LTBP2: variants seen among roughly 807,000 people sequenced by gnomAD.
The protein encoded by LTBP2 is latent-transforming growth factor beta-binding protein 2.
In LTBP2, 103 loss-of-function variants were observed where a neutral mutation model predicts 210.6. The ratio of observed to expected loss-of-function variants is 0.49; its 90% CI spans 0.42 to 0.58. The LOEUF is 0.58. LTBP2 is among the 20% of genes least tolerant of loss of function. The probability of loss-of-function intolerance (pLI) is 0.00; values close to 1 mark genes in which losing one functional copy is unlikely to be tolerated. For synonymous variants in LTBP2, 1,007 were observed against 1,015.0 expected (o/e 0.99, Z 0.15); for missense variants, 2,313 against 2,494.5 (o/e 0.93, Z 1.55).
intron 30 of LTBP2, 92 bp downstream of exon 30, chr14:74,504,686 C>G (rs562213311): frequency 7.9e-7 from 1 of 1,261,678 alleles, no homozygotes; most frequent in Admixed American, 1.7e-5. Flanking sequence ...GAGGCCAGGG[C>G]TGGATGCAGA....
Position 74,502,465 on chromosome 14 carries a change from G to C in LTBP2, c.5170+188C>G, listed in dbSNP as rs558841286. On this transcript the variant is annotated intron_variant, in intron 34 of 35. Coordinates refer to ENST00000261978, the MANE Select transcript of LTBP2 (RefSeq NM_000428.3). ...TTGTGTCCCTGTGATAGTTTATGAC[G>C]GAGTTGTTAGGGTCGGACCTGGGCG... 3.7e-5 allele frequency: 27 copies of C among 738,770 alleles called. No homozygotes were observed. The South Asian group carries it at 4.1e-4, about 11-fold the overall frequency. The allele number at this position is 738,770 out of a possible 1,614,324, so 45.8% of individuals were successfully genotyped here.
intron 7 of LTBP2, among the ~76,000 whole-genome samples, chr14:74,550,331 G>A (rs1272793701): frequency 1.3e-5 from 2 of 152,182 alleles, no homozygotes; most frequent in Non-Finnish European, 2.9e-5. Context: ...TGGGCCTTGT[G>A]AGCAGAGCCC....
At chr14:74,555,437 G>A (rs771276635) in intron 4 of LTBP2, 66 bp downstream of exon 4, 355 of 1,554,954 alleles carry the variant, frequency 2.3e-4, no homozygotes, top group Non-Finnish European at 3.0e-4. Flanking sequence ...AGAGGGGGAA[G>A]CCAAGGTGGG....
At chr14:74,554,515 GAAGA>G (rs1434552384) in intron 4 of LTBP2, among the ~76,000 whole-genome samples, 19 of 152,050 alleles carry the variant, frequency 1.2e-4, no homozygotes, top group Admixed American at 5.2e-4. Context: ...AAGAAAAAGA[GAAGA>G]AAAGAAAATG....
intron 9 of LTBP2, among the ~76,000 whole-genome samples, chr14:74,532,945 T>G (rs140624869): frequency 4.1e-4 from 63 of 152,318 alleles, no homozygotes; most frequent in African/African-American, 1.4e-3. Flanking sequence ...GTTCAAGCAA[T>G]TCTCATGCCT....
At chr14:74,518,926 A>G (rs944756321) in intron 17 of LTBP2, among the ~76,000 whole-genome samples, 1 of 152,198 alleles carries the variant, frequency 6.6e-6, no homozygotes, top group Non-Finnish European at 1.5e-5. Flanking sequence ...TGGGAACTGG[A>G]TGAAGAACTC....
Position 74,511,147 on chromosome 14 carries a change from A to G in LTBP2, c.3028+98T>C, listed in dbSNP as rs564343878. 4 of 1,588,034 alleles carry G rather than the reference A, an allele frequency of 2.5e-6. No homozygotes were observed. The African/African-American group carries it at 5.4e-5, about 21-fold the overall frequency. On this transcript the variant is annotated intron_variant, in intron 19 of 35. Coordinates refer to ENST00000261978, the MANE Select transcript of LTBP2 (RefSeq NM_000428.3). The stretch of plus-strand genomic sequence containing the variant: ...CATGGAGGACAACAGCCTCCAAGCC[A>G]CCTCCCTCTGCCCACCTCTTTCCCT...
chr14:74,569,160 G>GAGGGAAGA lies in LTBP2; in HGVS notation c.831-13475_831-13468dup, dbSNP rs1380640630. Among the ~76,000 whole-genome samples, 1,084 of 112,054 alleles carry GAGGGAAGA rather than the reference G, an allele frequency of 9.7e-3. 13 individuals are homozygous for GAGGGAAGA. The highest frequency in any genetic ancestry group is 0.029 in the African/African-American group (1,037 of 35,494). 73.5% of individuals were successfully genotyped at this position (112,054 alleles called of 152,430 possible). ...GAATGAAGATAGAGATGGAGGGAAG[G>GAGGGAAGA]AGGGAAGAAGGGAAGCAGGGAGGGA... On this transcript the variant is annotated intron_variant, in intron 3 of 35. Transcript: ENST00000261978.
At chr14:74,585,471 C>T (rs1427196473) in intron 3 of LTBP2, among the ~76,000 whole-genome samples, 1 of 152,222 alleles carries the variant, frequency 6.6e-6, no homozygotes. Context: ...TCCCACCTTA[C>T]TGATGCAGAA....
chr14:74,560,728 T>C (rs536516202), intron 3 of LTBP2, among the ~76,000 whole-genome samples: 81 of 152,286 alleles, frequency 5.3e-4, no homozygotes, highest in East Asian at 1.9e-4. Flanking sequence ...TGGAAAATAT[T>C]TGGGGGGAAA....
intron 9 of LTBP2, among the ~76,000 whole-genome samples, chr14:74,534,543 C>T (rs775861773): frequency 6.6e-6 from 1 of 152,134 alleles, no homozygotes; most frequent in Non-Finnish European, 1.5e-5. Context: ...TCTGGGAAGG[C>T]GCCCCCACCA....
Position 74,516,843 on chromosome 14 carries a change from C to T in LTBP2, c.2887G>A (p.Val963Ile), listed in dbSNP as rs1214147592. The T allele has an allele frequency of 1.9e-6, 3 of 1,551,888 alleles. No individual in the cohort carries two copies. In the South Asian group the frequency reaches 3.6e-5, roughly 18 times the overall value. ...TTACCTTGGCAGTGTCCTTTCCTGA[C>T]CATGATGTAGCCCTGATCACACTCG... ...HCECDQGYIM[V>I]RKGHCQDINE... Residue 963 changes from valine (V) to isoleucine (I), a missense_variant, in exon 18 of 36, where the codon GTC (valine) becomes ATC (isoleucine). Coordinates refer to ENST00000261978, the MANE Select transcript of LTBP2 (RefSeq NM_000428.3).
At chr14:74,572,286 T>G (rs185479280) in intron 3 of LTBP2, among the ~76,000 whole-genome samples, 57 of 109,584 alleles carry the variant, frequency 5.2e-4, no homozygotes, top group Admixed American at 2.6e-3. Flanking sequence ...AGAGGTGGGG[T>G]GTGTGTGTGT....
intron 3 of LTBP2, among the ~76,000 whole-genome samples, chr14:74,559,165 T>C (rs1242593808): frequency 1.3e-5 from 2 of 152,152 alleles, no homozygotes; most frequent in Non-Finnish European, 2.9e-5. Context: ...TAAGAAAACA[T>C]GACTGGGCCA....
intron 8 of LTBP2, among the ~76,000 whole-genome samples, 168 bp downstream of exon 8, chr14:74,549,685 TGCCAGGAGCC>T (rs2087624321): frequency 6.6e-6 from 1 of 152,238 alleles, no homozygotes; most frequent in Non-Finnish European, 1.5e-5. Flanking sequence ...AGCAGAGGGC[TGCCAGGAGCC>T]TCAGTGCTGG....
chr14:74,540,878 ATATATATAT>A (rs2087496949), intron 8 of LTBP2, among the ~76,000 whole-genome samples: 1 of 98,280 alleles, frequency 1.0e-5, no homozygotes, highest in African/African-American at 4.0e-5. Flanking sequence ...TATATATATA[ATATATATAT>A]TATATATTAA....
intron 7 of LTBP2, 148 bp downstream of exon 7, chr14:74,550,916 C>A: frequency 9.7e-7 from 1 of 1,026,140 alleles, no homozygotes; most frequent in East Asian, 2.6e-5. Flanking sequence ...CAATTTCATG[C>A]CTTGGGTTTT....
At position 74,552,917 on chromosome 14, in the gene LTBP2, G is replaced by A. The variant is rs755833796; in HGVS notation, c.1167C>T (p.His389=). 54 of 1,613,494 alleles carry A rather than the reference G, an allele frequency of 3.3e-5. No homozygotes were observed. Among genetic ancestry groups the A allele is most frequent in the Middle Eastern group, 1.7e-4 (1 of 6,054 alleles). The change falls in exon 5 of 36, where the codon CAC becomes CAT. Residue 389 remains histidine (H), a synonymous_variant. Transcript: ENST00000261978. ...AGATGCGGAAGCCAGACTTGGGATC[G>A]TGCCCATGGCCGCCCTGGCTGTACA... ...TTLYSQGGHG[H]DPKSGFRIYF... is the part of the protein sequence containing the mutation.
chr14:74,590,942 A>C (rs1566651934), intron 2 of LTBP2, among the ~76,000 whole-genome samples: 1 of 152,172 alleles, frequency 6.6e-6, no homozygotes. Context: ...CTTCACCACT[A>C]AACAATTTAT....
Sources: gnomAD v4.1 joint callset for allele counts (sites outside exome capture counted in the v4.1 genomes callset) on GRCh38, gnomAD v4.1.1 for gene constraint, MANE v1.5 for transcripts, NCBI Gene and HGNC (gene_info 2026-07-23, HGNC 2026-07-21) for gene names.